The following CPS1 variants were observed in gnomAD, a reference collection of about 807,000 sequenced individuals.
The protein encoded by CPS1 is carbamoyl-phosphate synthase [ammonia], mitochondrial.
In CPS1, 109 loss-of-function variants were observed where a neutral mutation model predicts 174.6. The observed-to-expected ratio is 0.62, with a 90% CI of 0.53 to 0.73. The LOEUF (loss-of-function observed/expected upper bound fraction) is 0.73, where lower values mean the gene tolerates loss of function less well. Among genes scored for constraint, CPS1 ranks in the 30% least tolerant of loss-of-function variants. The pLI is 0.00. For synonymous variants in CPS1, 637 were observed against 632.0 expected, an observed-to-expected ratio of 1.01 and a Z score of -0.12; for missense variants, 1,689 against 1,821.9, an observed-to-expected ratio of 0.93 and a Z score of 1.33.
chr2:210,521,551 G>A (rs1238124902), intron 1 of CPS1, among the ~76,000 whole-genome samples: 2 of 151,960 alleles, frequency 1.3e-5, no homozygotes, highest in East Asian at 1.9e-4. Context: ...ATTTTACAGA[G>A]TTTCCATTGC....
intron 11 of CPS1, chr2:210,593,600 T>A (rs2106114498): frequency 1.0e-6 from 1 of 985,474 alleles, no homozygotes; most frequent in Non-Finnish European, 1.2e-6. Context: ...ATCTGAAGTC[T>A]ATTGTGACTT....
chr2:210,563,659 C>T (rs925852358), intron 1 of CPS1, among the ~76,000 whole-genome samples: 3 of 152,124 alleles, frequency 2.0e-5, no homozygotes, highest in Admixed American at 1.3e-4. Context: ...GGTTGTGAAA[C>T]AATACATGAG....
chr2:210,583,650 C>T (rs541818847), intron 6 of CPS1, among the ~76,000 whole-genome samples: 15 of 152,174 alleles, frequency 9.9e-5, no homozygotes, highest in African/African-American at 2.9e-4. Context: ...TGAAGAGTTA[C>T]GCACAGTTTG....
chr2:210,650,921 AT>A (rs1371517016), intron 28 of CPS1, among the ~76,000 whole-genome samples: 5 of 152,078 alleles, frequency 3.3e-5, no homozygotes, highest in Non-Finnish European at 7.4e-5. Flanking sequence ...TCACTCAACT[AT>A]TTTTTATTTT....
chr2:210,531,704 A>G (rs534254207), intron 1 of CPS1, among the ~76,000 whole-genome samples: 21 of 152,266 alleles, frequency 1.4e-4, no homozygotes, highest in African/African-American at 4.8e-4. Flanking sequence ...ACCACCAAAA[A>G]AGATTTGGAA....
At chr2:210,641,125 C>T (rs1415147642) in intron 24 of CPS1, among the ~76,000 whole-genome samples, 1 of 151,986 alleles carries the variant, frequency 6.6e-6, no homozygotes, top group East Asian at 1.9e-4. Context: ...CAAACCCTCA[C>T]CCCCAGTTTT....
At chr2:210,486,121 C>T (rs1227938685) in intron 1 of CPS1, among the ~76,000 whole-genome samples, 8 of 17,760 alleles carry the variant, frequency 4.5e-4, no homozygotes, top group East Asian at 2.7e-3. Flanking sequence ...CACATACACA[C>T]ACACACACAC....
chr2:210,658,945 C>G lies in CPS1; in HGVS notation c.3756+257C>G, dbSNP rs74666627. ...CCACTGGGAAGGTCACTGTATGCCA[C>G]CTACAGTATAGTATAGATGGATACG... On this transcript the variant is annotated intron_variant, in intron 31 of 37. Coordinates refer to ENST00000233072, the MANE Select transcript of CPS1 (RefSeq NM_001875.5). Among the ~76,000 whole-genome samples the G allele has an allele frequency of 2.5e-3, 384 of 152,226 alleles. 8 individuals carry two copies. The East Asian group carries it at 0.043, about 17-fold the overall frequency.
intron 21 of CPS1, among the ~76,000 whole-genome samples, chr2:210,624,366 A>G (rs1260041314): frequency 6.6e-6 from 1 of 152,108 alleles, no homozygotes; most frequent in Non-Finnish European, 1.5e-5. Context: ...CAGTCTTACC[A>G]GTTATTACAT....
At position 210,538,948 on chromosome 2, in the gene CPS1, CT is replaced by C. The variant is rs555547902; in HGVS notation, c.4-17766del. ...CTATTATGATAATACCCCTTCAGAC[CT>C]TTTTCTAGTCACTTACAGGTAAAAA... On this transcript the variant is annotated intron_variant, in intron 1 of 38. Coordinates refer to the CPS1 transcript ENST00000430249. Among the ~76,000 whole-genome samples, 423 of 152,126 alleles carry C rather than the reference CT, an allele frequency of 2.8e-3. 1 individual carries two copies. The highest frequency in any genetic ancestry group is 9.4e-3 in the African/African-American group (391 of 41,502).
chr2:210,652,611 T>G (rs1206479133), intron 28 of CPS1, among the ~76,000 whole-genome samples: 1 of 152,154 alleles, frequency 6.6e-6, no homozygotes, highest in Non-Finnish European at 1.5e-5. Context: ...TAGGGAACAC[T>G]GAGGAAGGAG....
At chr2:210,615,354 TG>T (rs1261980635) in intron 20 of CPS1, among the ~76,000 whole-genome samples, 22 of 152,118 alleles carry the variant, frequency 1.4e-4, no homozygotes, top group African/African-American at 5.1e-4. Context: ...TTCTGTTAAA[TG>T]TCATCTTACT....
chr2:210,613,141 G>A lies in CPS1; in HGVS notation c.2568+848G>A, dbSNP rs545380304. Among the ~76,000 whole-genome samples the A allele has an allele frequency of 4.6e-5, 7 of 151,766 alleles. No homozygotes were observed. In the East Asian group the frequency reaches 5.9e-4, roughly 13 times the overall value. ...TATGTGTGTGCATGTGGGATGAGTC[G>A]GTGAAAACATGAACTTTCTCTTTAA... is the stretch of plus-strand genomic sequence containing the variant. On this transcript the variant is annotated intron_variant, in intron 20 of 37. Coordinates refer to ENST00000233072, the MANE Select transcript of CPS1 (RefSeq NM_001875.5).
chr2:210,486,863 C>T (rs965684962), intron 1 of CPS1, among the ~76,000 whole-genome samples: 1 of 144,378 alleles, frequency 6.9e-6, no homozygotes, highest in African/African-American at 2.4e-5. Flanking sequence ...ATCTGCCTTC[C>T]TCACACTCTG....
At chr2:210,558,548 G>A (rs1395853528) in intron 1 of CPS1, among the ~76,000 whole-genome samples, 1 of 151,972 alleles carries the variant, frequency 6.6e-6, no homozygotes, top group African/African-American at 2.4e-5. Flanking sequence ...ATGATTATAT[G>A]TGCCATCTAA....
intron 34 of CPS1, 85 bp downstream of exon 34, chr2:210,668,369 A>G: frequency 1.1e-6 from 1 of 929,040 alleles, no homozygotes; most frequent in Non-Finnish European, 1.8e-6. Flanking sequence ...TGTGGTATAG[A>G]GGAAGGGAGA....
intron 33 of CPS1, among the ~76,000 whole-genome samples, chr2:210,667,873 A>G (rs1032804532): frequency 1.3e-5 from 2 of 152,240 alleles, no homozygotes; most frequent in African/African-American, 4.8e-5. Flanking sequence ...AACTCTCAGT[A>G]GAATCCAGTT....
intron 1 of CPS1, among the ~76,000 whole-genome samples, chr2:210,524,119 C>A (rs1362241040): frequency 6.6e-6 from 1 of 152,006 alleles, no homozygotes; most frequent in East Asian, 1.9e-4. Context: ...CCAGCTTCCC[C>A]ATGCCTTCCT....
intron 1 of CPS1, among the ~76,000 whole-genome samples, chr2:210,481,654 CTCT>C (rs1694572744): frequency 6.6e-6 from 1 of 152,248 alleles, no homozygotes; most frequent in Admixed American, 6.5e-5. Context: ...ACAGCAGGTG[CTCT>C]TCAGTCATTT....
Sources: allele counts gnomAD v4.1 joint callset (sites outside exome capture counted in the v4.1 genomes callset), GRCh38; gene constraint gnomAD v4.1.1; transcripts MANE v1.5; gene names NCBI Gene and HGNC (gene_info 2026-07-23, HGNC 2026-07-21).